Variants in SPECC1L observed in about 807,000 individuals in gnomAD.
SPECC1L encodes the protein sperm antigen with calponin homology and coiled-coil domains 1 like, also known as cytospin-A.
Under a neutral mutation model 116.8 loss-of-function variants are expected in SPECC1L, and 40 were observed. The observed-to-expected ratio is 0.34, with a 90% confidence interval of 0.27 to 0.45. SPECC1L has a LOEUF of 0.45. SPECC1L is among the 20% of genes least tolerant of loss of function. SPECC1L has a pLI of 1.00. For synonymous variants in SPECC1L, 504 were observed against 500.6 expected (o/e 1.01, Z -0.09); for missense variants, 1,110 against 1,373.6 (o/e 0.81, Z 3.03).
intron 8 of SPECC1L, among the ~76,000 whole-genome samples, chr22:24,331,983 C>T (rs1394230893): frequency 1.3e-5 from 2 of 152,170 alleles, no homozygotes; most frequent in African/African-American, 4.8e-5. Flanking sequence ...GTGCTATACT[C>T]AAGACTATAC....
At chr22:24,283,938 G>T (rs1246877432) in intron 2 of SPECC1L, among the ~76,000 whole-genome samples, 1 of 152,142 alleles carries the variant, frequency 6.6e-6, no homozygotes. Context: ...AGAATCTGTA[G>T]TGTTGTTACC....
intron 2 of SPECC1L, among the ~76,000 whole-genome samples, chr22:24,294,438 G>A (rs1041199771): frequency 1.0e-4 from 15 of 149,836 alleles, no homozygotes; most frequent in African/African-American, 3.7e-4. Context: ...CTGGAGTGCA[G>A]CGGCACGATA....
At chr22:24,350,506 T>G (rs921064534) in intron 11 of SPECC1L, among the ~76,000 whole-genome samples, 2 of 152,184 alleles carry the variant, frequency 1.3e-5, no homozygotes, top group African/African-American at 4.8e-5. Flanking sequence ...TTACTATATG[T>G]GTGAACTTTT....
chr22:24,304,695 A>G (rs911717445), intron 3 of SPECC1L, among the ~76,000 whole-genome samples: 8 of 152,272 alleles, frequency 5.3e-5, no homozygotes, highest in Non-Finnish European at 1.2e-4. Context: ...AATTACAGAC[A>G]TGAATTAATA....
chr22:24,321,974 A>G lies in SPECC1L; in HGVS notation c.994A>G (p.Thr332Ala). 6.2e-7 allele frequency: 1 copy of G among 1,614,208 alleles called. No homozygotes were observed. The highest frequency in any genetic ancestry group is 8.5e-7 in the Non-Finnish European group (1 of 1,180,042). Residue 332 changes from threonine to alanine, a missense_variant, in exon 5 of 17, where the codon ACA becomes GCA. This residue lies in a region of SPECC1L where 437 missense variants were observed against 482.6 expected (regional missense o/e 0.91). Coordinates refer to ENST00000314328, the MANE Select transcript of SPECC1L (RefSeq NM_015330.6). Reference protein sequence around the residue: ...VEDLLSQDENTLMDHQHSNSM... With the variant: ...VEDLLSQDENALMDHQHSNSM... ...GGATCTCTTGAGTCAGGATGAAAAT[A>G]CACTAATGGACCATCAGCACAGTAA... is the stretch of plus-strand genomic sequence containing the variant.
chr22:24,333,574 T>C (rs2040983249), intron 8 of SPECC1L, among the ~76,000 whole-genome samples: 1 of 151,732 alleles, frequency 6.6e-6, no homozygotes, highest in Non-Finnish European at 1.5e-5. Context: ...TTTTTTTTTC[T>C]TTGTAGAATT....
At chr22:24,278,339 T>TC (rs2048876716) in intron 2 of SPECC1L, among the ~76,000 whole-genome samples, 1 of 152,172 alleles carries the variant, frequency 6.6e-6, no homozygotes, top group South Asian at 2.1e-4. Flanking sequence ...GTAGCCTGGG[T>TC]GTCAGAGCAA....
intron 8 of SPECC1L, among the ~76,000 whole-genome samples, chr22:24,332,443 T>C (rs570046415): frequency 3.3e-5 from 5 of 152,360 alleles, no homozygotes; most frequent in South Asian, 4.1e-4. Context: ...AGTTCACTTA[T>C]ATGGTTTCAG....
chr22:24,297,012 C>T (rs906385707), intron 2 of SPECC1L, among the ~76,000 whole-genome samples: 7 of 148,184 alleles, frequency 4.7e-5, no homozygotes, highest in Non-Finnish European at 8.9e-5. Flanking sequence ...GTGGTGTGAT[C>T]CCAGCTCACT....
chr22:24,373,782 A>G (rs2041916357), intron 14 of SPECC1L, among the ~76,000 whole-genome samples: 1 of 152,196 alleles, frequency 6.6e-6, no homozygotes, highest in Non-Finnish European at 1.5e-5. Context: ...AATGGGATCT[A>G]ATTAAACTAA....
At chr22:24,309,786 G>T (rs2040424740) in intron 3 of SPECC1L, among the ~76,000 whole-genome samples, 1 of 152,034 alleles carries the variant, frequency 6.6e-6, no homozygotes, top group South Asian at 2.1e-4. Context: ...AAAATACTTG[G>T]GTTGTGTTGT....
chr22:24,407,324 C>A (rs1296559892), intron 14 of SPECC1L, among the ~76,000 whole-genome samples: 1 of 152,224 alleles, frequency 6.6e-6, no homozygotes, highest in African/African-American at 2.4e-5. Flanking sequence ...AGTCTCTCTT[C>A]CCGGAGGTTC....
chr22:24,280,894 CTT>C (rs989661573), intron 2 of SPECC1L, among the ~76,000 whole-genome samples: 28 of 152,214 alleles, frequency 1.8e-4, no homozygotes, highest in African/African-American at 6.5e-4. Context: ...CCAAAATAGT[CTT>C]TTGATTTTTT....
chr22:24,297,771 C>A (rs1273716836), intron 2 of SPECC1L, among the ~76,000 whole-genome samples: 1 of 152,184 alleles, frequency 6.6e-6, no homozygotes, highest in Non-Finnish European at 1.5e-5. Context: ...CATTGTCACA[C>A]CTGGAAGATG....
chr22:24,331,773 G>A (rs1387907965), intron 8 of SPECC1L, among the ~76,000 whole-genome samples: 3 of 151,918 alleles, frequency 2.0e-5, no homozygotes, highest in Non-Finnish European at 4.4e-5. Context: ...GATGAACCAA[G>A]GTCTTGGCAA....
At chr22:24,338,630 C>A (rs1394479842) in intron 10 of SPECC1L, among the ~76,000 whole-genome samples, 153 bp downstream of exon 10, 1 of 152,134 alleles carries the variant, frequency 6.6e-6, no homozygotes, top group Non-Finnish European at 1.5e-5. Context: ...CTATAAATAT[C>A]TTTAATAGAG....
chr22:24,392,317 C>CTAAA (rs201677136), intron 14 of SPECC1L, among the ~76,000 whole-genome samples: 1,654 of 152,214 alleles, frequency 0.011, 27 homozygotes, highest in African/African-American at 0.037. Context: ...GTCAAATAAT[C>CTAAA]TTTATGTATC....
chr22:24,379,024 C>T (rs59308597), intron 14 of SPECC1L, among the ~76,000 whole-genome samples: 2 of 152,120 alleles, frequency 1.3e-5, no homozygotes, highest in Non-Finnish European at 2.9e-5. Context: ...GAAGTACCAT[C>T]TGAGGTGTGT....
intron 13 of SPECC1L, among the ~76,000 whole-genome samples, chr22:24,367,991 T>C (rs919316590): frequency 2.0e-5 from 3 of 152,148 alleles, no homozygotes; most frequent in Admixed American, 6.5e-5. Flanking sequence ...TCTGTTCCAC[T>C]TCCAGAGTGT....
Sources: allele counts gnomAD v4.1 joint callset (sites outside exome capture counted in the v4.1 genomes callset), GRCh38; gene constraint gnomAD v4.1.1; regional missense constraint gnomAD v4.1.1; transcripts MANE v1.5; gene names NCBI Gene and HGNC (gene_info 2026-07-23, HGNC 2026-07-21).